Variants in CTNS observed in about 807,000 individuals in gnomAD.
CTNS encodes cystinosin, lysosomal cystine transporter.
In CTNS, 27 loss-of-function variants were observed where a neutral mutation model predicts 43.7. The ratio of observed to expected loss-of-function variants is 0.62; its 90% CI spans 0.46 to 0.85. CTNS has a LOEUF of 0.85. Among genes scored for constraint, CTNS ranks in the 40% least tolerant of loss-of-function variants. The pLI is 0.00. For synonymous variants in CTNS, 187 were observed against 190.6 expected (o/e 0.98, Z 0.16); for missense variants, 457 against 475.4 (o/e 0.96, Z 0.36).
At position 3,661,803 on chromosome 17, in the gene CTNS, T is replaced by A. The variant is rs2076282187; in HGVS notation, c.*1434T>A. 6.6e-6 allele frequency among the ~76,000 whole-genome samples: 1 copy of A among 152,106 alleles called. No individual in the cohort carries two copies. The highest frequency in any genetic ancestry group is 2.4e-5 in the African/African-American group (1 of 41,426). ...TGGATGTGAGCCGGGGTGGATGAGG[T>A]TCTGAAGGGCACACCAGCACTGGGA... On this transcript the variant is annotated 3_prime_UTR_variant, in exon 12 of 12. Transcript: ENST00000046640.
At chr17:3,653,342 G>A (rs1278639596) in intron 5 of CTNS, among the ~76,000 whole-genome samples, 4 of 152,200 alleles carry the variant, frequency 2.6e-5, no homozygotes, top group Non-Finnish European at 5.9e-5. Context: ...GAACCCTGGG[G>A]GCGGAGATTG....
chr17:3,651,414 A>T (rs1278372556), intron 5 of CTNS, among the ~76,000 whole-genome samples: 1 of 152,090 alleles, frequency 6.6e-6, no homozygotes, highest in African/African-American at 2.4e-5. Flanking sequence ...TTTAAAATCA[A>T]AAAAGATACC....
intron 3 of CTNS, among the ~76,000 whole-genome samples, chr17:3,641,988 C>CTGGA (rs757743909): frequency 4.0e-5 from 6 of 151,128 alleles, no homozygotes; most frequent in Non-Finnish European, 8.8e-5. Context: ...AAGACTGAGG[C>CTGGA]TGGAGCATGT....
chr17:3,659,866 G>A lies in CTNS; in HGVS notation c.861G>A (p.Met287Ile). The change falls in exon 11 of 12, where the codon ATG becomes ATA. Residue 287 changes from methionine to isoleucine, a missense_variant. Transcript: ENST00000046640. The part of the protein sequence containing the change: ...TLVKYFPQAY[M>I]NFYYKSTEGW... ...CCGTCTGTCTGGCCCAGGCCTACATGAACTTTTACTACAAAAGCACTGAGG... is the reference window on the plus strand; with the variant it reads ...CCGTCTGTCTGGCCCAGGCCTACATAAACTTTTACTACAAAAGCACTGAGG... 6.2e-7 allele frequency: 1 copy of A among 1,613,724 alleles called. No individual in the cohort carries two copies. Among genetic ancestry groups the A allele is most frequent in the Non-Finnish European group, 8.5e-7 (1 of 1,179,794 alleles).
chr17:3,655,773 C>T (rs781094773), intron 7 of CTNS: 9 of 263,072 alleles, frequency 3.4e-5, no homozygotes, highest in South Asian at 1.3e-4. Flanking sequence ...ACCCTGGCCA[C>T]GTCGGCCTCC....
rs565370906 is a variant in CTNS, at chr17:3,649,313, G to A, written c.225+382G>A. On this transcript the variant is annotated intron_variant, in intron 5 of 11. Transcript: ENST00000046640. ...AAGTAAATACAAAAATTAGCCAGTC[G>A]TGGTGGCATGCACCTGTAATCCAAG... Among the ~76,000 whole-genome samples, 13 of 152,170 alleles carry A rather than the reference G, an allele frequency of 8.5e-5. No individual in the cohort carries two copies. The East Asian group carries it at 1.7e-3, about 20-fold the overall frequency.
In CTNS at chr17:3,661,446, A is replaced by G. The variant is rs2076277016; in HGVS notation, c.*1077A>G. On this transcript the variant is annotated 3_prime_UTR_variant, in exon 12 of 12. Transcript: ENST00000046640. ...GTGGGGGTCCCAGGACGTGCCTCATACATGACTTGAGCTTGTCAGTCCACT... is the reference window on the plus strand; with the variant it reads ...GTGGGGGTCCCAGGACGTGCCTCATGCATGACTTGAGCTTGTCAGTCCACT... 6.5e-6 allele frequency: 1 copy of G among 152,918 alleles called. No individual in the cohort carries two copies. The highest frequency in any genetic ancestry group is 1.5e-5 in the Non-Finnish European group (1 of 68,826). The allele number at this position is 152,918 out of a possible 1,614,324, so 9.5% of individuals were successfully genotyped here. A position where few individuals can be genotyped will look rare whatever the true frequency, so the allele number is the denominator to read the frequency against.
At chr17:3,657,946 G>A (rs1367296928) in intron 9 of CTNS, 59 bp from the exon 10 acceptor site, 3 of 1,595,100 alleles carry the variant, frequency 1.9e-6, no homozygotes, top group Non-Finnish European at 2.6e-6. Context: ...GGCCGTCCTT[G>A]CTCAGCCCCG....
At chr17:3,656,955 T>C (rs1364575417) in intron 9 of CTNS, 160 bp downstream of exon 9, 7 of 1,166,346 alleles carry the variant, frequency 6.0e-6, no homozygotes, top group Non-Finnish European at 8.5e-6. Context: ...GTCCAGGCCC[T>C]CAGAGCCCCC....
intron 5 of CTNS, among the ~76,000 whole-genome samples, chr17:3,652,717 A>G (rs2076016355): frequency 6.6e-6 from 1 of 152,170 alleles, no homozygotes; most frequent in African/African-American, 2.4e-5. Flanking sequence ...CTAGTTCCAG[A>G]AGGGATTTAG....
chr17:3,657,951 GC>G, intron 9 of CTNS, 53 bp from the exon 10 acceptor site: 1 of 1,597,642 alleles, frequency 6.3e-7, no homozygotes. Context: ...TCCTTGCTCA[GC>G]CCCGGCGTGG....
chr17:3,640,441 G>C (rs1203940504), intron 3 of CTNS, among the ~76,000 whole-genome samples, 174 bp downstream of exon 3: 1 of 152,268 alleles, frequency 6.6e-6, no homozygotes, highest in Non-Finnish European at 1.5e-5. Context: ...CTGGGATCCA[G>C]GTGTTCTGCA....
intron 4 of CTNS, 80 bp downstream of exon 4, chr17:3,647,602 G>T: frequency 7.8e-7 from 1 of 1,277,698 alleles, no homozygotes; most frequent in Non-Finnish European, 1.1e-6. Flanking sequence ...GGCTCAGTCT[G>T]TTCAGATTTC....
intron 3 of CTNS, among the ~76,000 whole-genome samples, chr17:3,643,849 G>T (rs955904124): frequency 6.6e-6 from 1 of 152,170 alleles, no homozygotes; most frequent in African/African-American, 2.4e-5. Context: ...TTACAGGCGT[G>T]AGCCACCGCA....
intron 7 of CTNS, chr17:3,655,611 A>C (rs963294112): frequency 3.3e-5 from 12 of 363,802 alleles, no homozygotes; most frequent in East Asian, 7.3e-5. Flanking sequence ...TTAGTGGAGA[A>C]TGGGCGGGGG....
chr17:3,648,846 G>A lies in CTNS; in HGVS notation c.141-1G>A, dbSNP rs2075906916. Reference sequence around the variant, plus strand: ...AGTAATTAGACTCTTGTCCTCCACAGGCCACCATTAAATGCAACCCTGGTG... The same window carrying A: ...AGTAATTAGACTCTTGTCCTCCACAAGCCACCATTAAATGCAACCCTGGTG... On this transcript the variant is annotated splice_acceptor_variant, in intron 4 of 11. Transcript: ENST00000046640. LOFTEE classifies it high-confidence loss of function. 8 of 1,612,960 alleles carry A rather than the reference G, an allele frequency of 5.0e-6. No individual in the cohort carries two copies. Among genetic ancestry groups the A allele is most frequent in the Non-Finnish European group, 6.8e-6 (8 of 1,178,916 alleles).
At chr17:3,640,366 C>T in intron 3 of CTNS, 99 bp downstream of exon 3, 1 of 1,280,392 alleles carries the variant, frequency 7.8e-7, no homozygotes, top group Non-Finnish European at 1.1e-6. Context: ...TAGAATCATT[C>T]AGACCACATG....
At position 3,657,076 on chromosome 17, in the gene CTNS, CAGGGAGG is replaced by C. The variant is rs11280317; in HGVS notation, c.681+293_681+299del. Among the ~76,000 whole-genome samples the C allele has an allele frequency of 6.6e-3, 1,009 of 151,802 alleles. 7 individuals are homozygous for C. Among genetic ancestry groups the C allele is most frequent in the African/African-American group, 0.023 (952 of 41,340 alleles). On this transcript the variant is annotated intron_variant, in intron 9 of 11. Transcript: ENST00000046640. ...AGGAGTGCAAGGCCCTGAGCCCTGC[CAGGGAGG>C]AGGGAGGAGGGCACAGAAGGGAGGA...
chr17:3,657,690 G>A (rs568307205), intron 9 of CTNS: 1 of 451,818 alleles, frequency 2.2e-6, no homozygotes, highest in Non-Finnish European at 4.1e-6. Flanking sequence ...AGTGCTGAGA[G>A]GCGCCCAGTT....
Sources: gnomAD v4.1 joint callset for allele counts (sites outside exome capture counted in the v4.1 genomes callset) on GRCh38, gnomAD v4.1.1 for gene constraint, MANE v1.5 for transcripts, NCBI Gene and HGNC (gene_info 2026-07-23, HGNC 2026-07-21) for gene names.